Variants in DMD observed in about 807,000 individuals in gnomAD.
DMD encodes the protein mutant dystrophin.
In DMD, 63 loss-of-function variants were observed where a neutral mutation model predicts 330.1. That is an observed-to-expected ratio of 0.19 (90% CI 0.16 to 0.24). The LOEUF (loss-of-function observed/expected upper bound fraction) is 0.24, where lower values mean the gene tolerates loss of function less well. DMD is among the 10% of genes least tolerant of loss of function. The probability of loss-of-function intolerance (pLI) is 1.00; values close to 1 mark genes in which losing one functional copy is unlikely to be tolerated. For missense variants in DMD, 3,344 were observed against 2,684.1 expected (o/e 1.25, Z -5.43); for synonymous variants, 1,223 against 959.8 (o/e 1.27, Z -5.07).
chrX:31,156,465 A>T (rs1373941942), intron 74 of DMD, among the ~76,000 whole-genome samples: 3 of 112,171 alleles, frequency 2.7e-5, no homozygotes, highest in African/African-American at 9.7e-5. Flanking sequence ...GCCTTTCACC[A>T]TCCATGGCTG....
chrX:32,428,549 T>C (rs2098222616), intron 29 of DMD, among the ~76,000 whole-genome samples: 1 of 112,074 alleles, frequency 8.9e-6, no homozygotes, highest in South Asian at 3.7e-4. Context: ...AGTTGTGTAT[T>C]TCTTCTTGTT....
intron 9 of DMD, among the ~76,000 whole-genome samples, chrX:32,670,909 T>A (rs2061593278): frequency 9.0e-6 from 1 of 111,184 alleles, no homozygotes; most frequent in Non-Finnish European, 1.9e-5. Context: ...TTGACAAATG[T>A]GTACTTCTAA....
chrX:31,280,628 TAAAA>T (rs1209050104), intron 62 of DMD, among the ~76,000 whole-genome samples: 3 of 112,213 alleles, frequency 2.7e-5, no homozygotes, highest in Non-Finnish European at 5.6e-5. Flanking sequence ...AAAATTTTTT[TAAAA>T]AAGCGTTTGC....
chrX:33,021,220 G>T lies in DMD; in HGVS notation c.32-1020C>A, dbSNP rs185480196. Among the ~76,000 whole-genome samples, 10 of 110,747 alleles carry T rather than the reference G, an allele frequency of 9.0e-5. 1 individual carries two copies. In the East Asian group the frequency reaches 2.6e-3, roughly 28 times the overall value. On this transcript the variant is annotated intron_variant, in intron 1 of 78. Transcript: ENST00000357033. ...CCCAAAGATTTATACTAAGGGATTA[G>T]GGAGAAAAATTATTAAAAAACAGCT...
At chrX:31,925,359 A>C (rs1455070143) in intron 47 of DMD, among the ~76,000 whole-genome samples, 2 of 111,879 alleles carry the variant, frequency 1.8e-5, no homozygotes, top group African/African-American at 6.5e-5. Context: ...AAAAATAAAG[A>C]ATGATAAAGC....
chrX:32,304,144 AACG>A (rs755926584), intron 42 of DMD, among the ~76,000 whole-genome samples: 5 of 111,202 alleles, frequency 4.5e-5, no homozygotes, highest in Non-Finnish European at 9.5e-5. Context: ...ACACATAAAA[AACG>A]ACATTATAAC....
rs772327563 is a variant in DMD, at chrX:32,682,584, G to C, written c.960+15286C>G. Among the ~76,000 whole-genome samples, 5 of 111,513 alleles carry C rather than the reference G, an allele frequency of 4.5e-5. No homozygotes were observed. The South Asian group carries it at 1.9e-3, about 42-fold the overall frequency. On this transcript the variant is annotated intron_variant, in intron 9 of 78. Coordinates refer to ENST00000357033, the MANE Select transcript of DMD (RefSeq NM_004006.3). ...TCAATTTTGGAATTTAATTTTTTAT[G>C]CTTGAAGAGTTCATATCAAAAAAAA...
intron 57 of DMD, among the ~76,000 whole-genome samples, chrX:31,483,079 C>T (rs746259927): frequency 2.2e-5 from 2 of 92,783 alleles, no homozygotes; most frequent in African/African-American, 8.1e-5. Context: ...TGGAGTCTCG[C>T]TCTGTCGCCC....
intron 17 of DMD, among the ~76,000 whole-genome samples, chrX:32,529,934 T>C (rs1433455609): frequency 4.5e-5 from 5 of 111,449 alleles, no homozygotes; most frequent in Admixed American, 1.9e-4. Flanking sequence ...TCAAATGTAT[T>C]TCTAGTTTTA....
intron 18 of DMD, among the ~76,000 whole-genome samples, chrX:32,503,787 CTCA>C (rs1182657100): frequency 2.7e-5 from 3 of 111,441 alleles, no homozygotes; most frequent in Non-Finnish European, 1.9e-5. Flanking sequence ...AACTCCTGAC[CTCA>C]TCATCCGCCC....
intron 57 of DMD, among the ~76,000 whole-genome samples, chrX:31,489,745 C>G (rs768231587): frequency 1.0e-3 from 112 of 110,877 alleles, no homozygotes; most frequent in Non-Finnish European, 1.9e-3. Flanking sequence ...TTTTGGGGGA[C>G]AAAAGGAAGA....
intron 44 of DMD, among the ~76,000 whole-genome samples, chrX:32,179,615 A>C (rs1321914066): frequency 8.9e-6 from 1 of 112,043 alleles, no homozygotes; most frequent in Non-Finnish European, 1.9e-5. Context: ...ATACCTTGAT[A>C]ATATTGATCA....
rs2405153 is a variant in DMD, at chrX:31,832,594, G to A, written c.7200+4124C>T. Among the ~76,000 whole-genome samples the A allele has an allele frequency of 5.4e-5, 6 of 111,046 alleles. No homozygotes were observed. The Admixed American group carries it at 5.7e-4, about 11-fold the overall frequency. Reference sequence around the variant, plus strand: ...TTTGTGTTAAAGGTTGGGATGGAACGCTTTGGCCAAATACAGAAAGTTCCT... The same window carrying A: ...TTTGTGTTAAAGGTTGGGATGGAACACTTTGGCCAAATACAGAAAGTTCCT... On this transcript the variant is annotated intron_variant, in intron 49 of 78. Transcript: ENST00000357033.
intron 2 of DMD, among the ~76,000 whole-genome samples, chrX:32,969,917 GA>G (rs2092323523): frequency 1.1e-5 from 1 of 94,819 alleles, no homozygotes; most frequent in Admixed American, 1.0e-4. Context: ...TTACTCATGT[GA>G]AAACATAAAT....
chrX:33,260,536 T>C (rs964388555), intron 1 of DMD, among the ~76,000 whole-genome samples: 36 of 111,252 alleles, frequency 3.2e-4, no homozygotes, highest in Admixed American at 5.8e-4. Flanking sequence ...AATAGATACC[T>C]TTTAAAGGGA....
chrX:32,640,239 T>C (rs1197685980), intron 11 of DMD, among the ~76,000 whole-genome samples: 4 of 108,634 alleles, frequency 3.7e-5, no homozygotes, highest in African/African-American at 1.3e-4. Context: ...TTTATAATAA[T>C]TTTGCATTCA....
chrX:32,232,990 A>C (rs955178008), intron 43 of DMD, among the ~76,000 whole-genome samples: 2 of 112,663 alleles, frequency 1.8e-5, no homozygotes, highest in Non-Finnish European at 3.7e-5. Flanking sequence ...CTAAACGTGT[A>C]TGAAGCGTAT....
At chrX:33,073,022 C>CT (rs1463668268) in intron 1 of DMD, among the ~76,000 whole-genome samples, 4 of 111,995 alleles carry the variant, frequency 3.6e-5, no homozygotes, top group African/African-American at 6.5e-5. Context: ...TCAGAAATTT[C>CT]TTTTTAATGT....
At chrX:32,713,304 C>T (rs934584259) in intron 7 of DMD, among the ~76,000 whole-genome samples, 1 of 111,753 alleles carries the variant, frequency 8.9e-6, no homozygotes, top group African/African-American at 3.3e-5. Context: ...CTCTAAGTGG[C>T]TGACCCTTTC....
Sources: gnomAD v4.1 joint callset for allele counts (sites outside exome capture counted in the v4.1 genomes callset) on GRCh38, gnomAD v4.1.1 for gene constraint, MANE v1.5 for transcripts, NCBI Gene and HGNC (gene_info 2026-07-23, HGNC 2026-07-21) for gene names.